The following SLC24A4 variants were observed in gnomAD, a reference collection of about 807,000 sequenced individuals.
SLC24A4 encodes the protein solute carrier family 24 member 4.
A neutral mutation model predicts 79.0 loss-of-function variants in SLC24A4; 53 were observed. That is an observed-to-expected ratio of 0.67 (90% CI 0.54 to 0.84). SLC24A4 has a LOEUF of 0.84. SLC24A4 is among the 40% of genes least tolerant of loss of function. SLC24A4 has a pLI of 0.00. For synonymous variants in SLC24A4, 323 were observed against 323.8 expected (o/e 1.00, Z 0.03); for missense variants, 731 against 822.0 (o/e 0.89, Z 1.35).
At chr14:92,375,172 C>A (rs984617382) in intron 2 of SLC24A4, among the ~76,000 whole-genome samples, 1 of 152,224 alleles carries the variant, frequency 6.6e-6, no homozygotes, top group Non-Finnish European at 1.5e-5. Flanking sequence ...ACCCTTTACT[C>A]CCATGAGTAA....
intron 3 of SLC24A4, among the ~76,000 whole-genome samples, chr14:92,438,170 T>G (rs567761585): frequency 2.0e-5 from 3 of 152,226 alleles, no homozygotes; most frequent in Non-Finnish European, 4.4e-5. Flanking sequence ...CAAGTTGTTT[T>G]ACCTGTGCTT....
intron 14 of SLC24A4, 135 bp downstream of exon 14, chr14:92,486,915 G>A (rs942516693): frequency 2.8e-5 from 17 of 600,450 alleles, no homozygotes; most frequent in East Asian, 1.4e-4. Context: ...GAAAAACTGC[G>A]ACATCTAGAA....
Position 92,350,582 on chromosome 14 carries a change from T to C in SLC24A4, c.241+24604T>C, listed in dbSNP as rs1003399071. Among the ~76,000 whole-genome samples, 9 of 152,150 alleles carry C rather than the reference T, an allele frequency of 5.9e-5. 1 individual carries two copies. Among genetic ancestry groups the C allele is most frequent in the African/African-American group, 2.2e-4 (9 of 41,420 alleles). On this transcript the variant is annotated intron_variant, in intron 2 of 16. Coordinates refer to ENST00000532405, the MANE Select transcript of SLC24A4 (RefSeq NM_153646.4). ...GAGGGTGGGGATGATCTCCAAACTC[T>C]CTCAGTCTATCCACACATCTCAAAC... is the stretch of plus-strand genomic sequence containing the variant.
intron 2 of SLC24A4, among the ~76,000 whole-genome samples, chr14:92,349,622 A>G (rs1886756594): frequency 6.6e-6 from 1 of 152,222 alleles, no homozygotes; most frequent in South Asian, 2.1e-4. Context: ...ACTATAGTGC[A>G]ATATCACAAC....
intron 2 of SLC24A4, among the ~76,000 whole-genome samples, chr14:92,414,273 T>A (rs1890867816): frequency 6.6e-6 from 1 of 152,152 alleles, no homozygotes; most frequent in South Asian, 2.1e-4. Flanking sequence ...CCTCCCCCGG[T>A]TGTGACAACC....
rs1895831963 is a variant in SLC24A4 at position 92,493,813 on chromosome 14, C to T, written c.*185C>T. ...AGGCCAGGCTGCTGGGCATCCTCCT[C>T]CTCCTTGGAGTTCCGCCCCTGCAAG... On this transcript the variant is annotated 3_prime_UTR_variant, in exon 17 of 17. Transcript: ENST00000532405. 6 of 700,032 alleles carry T rather than the reference C, an allele frequency of 8.6e-6. No homozygotes were observed. In the South Asian group the frequency reaches 1.2e-4, roughly 14 times the overall value. The allele number at this position is 700,032 out of a possible 1,614,324, so 43.4% of individuals were successfully genotyped here.
chr14:92,381,352 GT>G (rs5810594), intron 2 of SLC24A4, among the ~76,000 whole-genome samples: 57,721 of 151,894 alleles, frequency 0.38, 12,309 homozygotes, highest in East Asian at 0.79. Context: ...AACACTGCAT[GT>G]TCTCACTCAT....
intron 2 of SLC24A4, among the ~76,000 whole-genome samples, chr14:92,360,012 A>C (rs1452294979): frequency 6.6e-6 from 1 of 152,170 alleles, no homozygotes; most frequent in Non-Finnish European, 1.5e-5. Context: ...TCCGCCTCCC[A>C]GGTTCAAGCA....
At chr14:92,344,879 T>C (rs1179087779) in intron 2 of SLC24A4, among the ~76,000 whole-genome samples, 3 of 152,140 alleles carry the variant, frequency 2.0e-5, no homozygotes, top group Non-Finnish European at 4.4e-5. Flanking sequence ...GCTTGCCAAG[T>C]GTCTAAGCAC....
At chr14:92,327,246 C>T (rs547720270) in intron 2 of SLC24A4, among the ~76,000 whole-genome samples, 5 of 152,232 alleles carry the variant, frequency 3.3e-5, no homozygotes, top group South Asian at 4.2e-4. Context: ...AGAAGTCCAC[C>T]GGGAGGGACG....
chr14:92,351,914 G>T (rs555505465), intron 2 of SLC24A4, among the ~76,000 whole-genome samples: 41 of 74,912 alleles, frequency 5.5e-4, no homozygotes, highest in Admixed American at 2.8e-3. Context: ...AGGAAGGAAA[G>T]GAAGGAAAGG....
At chr14:92,341,908 C>A (rs1402157730) in intron 2 of SLC24A4, among the ~76,000 whole-genome samples, 2 of 152,200 alleles carry the variant, frequency 1.3e-5, no homozygotes, top group Admixed American at 6.5e-5. Context: ...TTTGAAATCC[C>A]TTTGATCATT....
rs1396377567 is a variant in SLC24A4, at chr14:92,494,735, T to C, written c.*1107T>C. ...GATTGCCTGAAAAACAACAAACTGC[T>C]TTCTGGTTAGCTGAAGGCAAGTGTG... On this transcript the variant is annotated 3_prime_UTR_variant, in exon 17 of 17. Transcript: ENST00000532405. This position sits in a 1 kb window ranked among gnomAD's most constrained non-coding sequence, Gnocchi z 4.6. 1 of 152,320 alleles carries C rather than the reference T, an allele frequency of 6.6e-6. No individual in the cohort carries two copies. Among genetic ancestry groups the C allele is most frequent in the Non-Finnish European group, 1.5e-5 (1 of 68,046 alleles). The allele number at this position is 152,320 out of a possible 1,614,324, so 9.4% of individuals were successfully genotyped here. A position where few individuals can be genotyped will look rare whatever the true frequency, so the allele number is the denominator to read the frequency against.
At chr14:92,408,057 G>A (rs748937594) in intron 2 of SLC24A4, among the ~76,000 whole-genome samples, 2 of 151,304 alleles carry the variant, frequency 1.3e-5, no homozygotes, top group African/African-American at 2.4e-5. Context: ...TTATTTTTTG[G>A]CCAGGTGTGT....
At chr14:92,341,512 G>T (rs1348613514) in intron 2 of SLC24A4, among the ~76,000 whole-genome samples, 1 of 152,204 alleles carries the variant, frequency 6.6e-6, no homozygotes, top group Non-Finnish European at 1.5e-5. Flanking sequence ...GCAGCTAAGT[G>T]GTTCTGGCTT....
At chr14:92,447,235 C>G (rs1359095693) in intron 8 of SLC24A4, 136 bp from the exon 9 acceptor site, 6 of 708,332 alleles carry the variant, frequency 8.5e-6, no homozygotes, top group Non-Finnish European at 1.5e-5. Context: ...CTCTCACATG[C>G]CTGGGTTCTG....
intron 2 of SLC24A4, among the ~76,000 whole-genome samples, chr14:92,425,412 CTTG>C (rs1292419797): frequency 6.6e-6 from 1 of 152,206 alleles, no homozygotes; most frequent in Non-Finnish European, 1.5e-5. Context: ...TTGTTTTTCT[CTTG>C]TTGTTCTTGA....
In SLC24A4 at chr14:92,501,390, TCTAAA is replaced by T. The variant is rs1202475013; in HGVS notation, c.*7769_*7773del. On this transcript the variant is annotated 3_prime_UTR_variant, in exon 17 of 17. Transcript: ENST00000532405. The stretch of plus-strand genomic sequence containing the variant: ...TTGTGAAGAAAAAAATCTACAGCAA[TCTAAA>T]CTAAACCTTTCTAAGAAATCTAGCA... The T allele has an allele frequency of 7.2e-5, 11 of 152,226 alleles. No homozygotes were observed. 9.4% of individuals were successfully genotyped at this position (152,226 alleles called of 1,614,324 possible).
At chr14:92,349,403 G>C (rs1018569240) in intron 2 of SLC24A4, among the ~76,000 whole-genome samples, 2 of 152,150 alleles carry the variant, frequency 1.3e-5, no homozygotes, top group African/African-American at 4.8e-5. Context: ...CAAGTGATCC[G>C]CCCGCCTTGG....
Sources: gnomAD v4.1 joint callset for allele counts (sites outside exome capture counted in the v4.1 genomes callset) on GRCh38, gnomAD v4.1.1 for gene constraint, Gnocchi (gnomAD v3.1) non-coding constraint, MANE v1.5 for transcripts, NCBI Gene and HGNC (gene_info 2026-07-23, HGNC 2026-07-21) for gene names.